DNAJC15: variants seen among roughly 807,000 people sequenced by gnomAD.
DNAJC15 encodes the protein DnaJ heat shock protein family (Hsp40) member C15, also known as dnaJ homolog subfamily C member 15.
In DNAJC15, 27 loss-of-function variants were observed where a neutral mutation model predicts 22.4. The ratio of observed to expected loss-of-function variants is 1.20; its 90% CI spans 0.89 to 1.66. The LOEUF is 1.66. Among genes scored for constraint, DNAJC15 ranks in the 40% most tolerant of loss-of-function variants. The pLI, the probability that DNAJC15 is intolerant of heterozygous loss-of-function variation, is 0.00. For synonymous variants in DNAJC15, 79 were observed against 63.2 expected (o/e 1.25, Z -1.19); for missense variants, 208 against 187.1 (o/e 1.11, Z -0.65).
At chr13:43,062,920 T>C (rs2040565732) in intron 1 of DNAJC15, among the ~76,000 whole-genome samples, 1 of 152,078 alleles carries the variant, frequency 6.6e-6, no homozygotes, top group Non-Finnish European at 1.5e-5. Context: ...GGTTTCACCA[T>C]GTTGGCCAGG....
At chr13:43,084,895 TA>T (rs776387043) in intron 4 of DNAJC15, among the ~76,000 whole-genome samples, 3 of 152,228 alleles carry the variant, frequency 2.0e-5, no homozygotes, top group Non-Finnish European at 4.4e-5. Context: ...AGGTAAAAGA[TA>T]ACTATAATGA....
chr13:43,055,662 C>T (rs1051165577), intron 1 of DNAJC15, among the ~76,000 whole-genome samples: 8 of 152,166 alleles, frequency 5.3e-5, no homozygotes, highest in African/African-American at 1.9e-4. Flanking sequence ...TTTTACTTAT[C>T]TTTTCAAAGA....
chr13:43,064,367 A>G (rs1392314024), intron 1 of DNAJC15, among the ~76,000 whole-genome samples: 2 of 152,200 alleles, frequency 1.3e-5, no homozygotes, highest in Non-Finnish European at 2.9e-5. Flanking sequence ...TTGAATGCCA[A>G]TGGCTGAATG....
At chr13:43,036,276 C>T (rs939224773) in intron 1 of DNAJC15, among the ~76,000 whole-genome samples, 6 of 151,660 alleles carry the variant, frequency 4.0e-5, no homozygotes, top group African/African-American at 7.3e-5. Flanking sequence ...AGCAGTCCTC[C>T]GACCTCAGCT....
chr13:43,067,281 C>G (rs975030775), intron 2 of DNAJC15, among the ~76,000 whole-genome samples: 1 of 152,136 alleles, frequency 6.6e-6, no homozygotes, highest in African/African-American at 2.4e-5. Flanking sequence ...CTTCAACAAT[C>G]AGAACTTTAA....
chr13:43,039,481 G>A (rs2040443329), intron 1 of DNAJC15, among the ~76,000 whole-genome samples: 1 of 152,306 alleles, frequency 6.6e-6, no homozygotes, highest in East Asian at 1.9e-4. Context: ...TTTACTGAGG[G>A]GAGAAGTGTG....
At chr13:43,066,840 C>G (rs143557229) in intron 2 of DNAJC15, among the ~76,000 whole-genome samples, 1 of 152,048 alleles carries the variant, frequency 6.6e-6, no homozygotes, top group Non-Finnish European at 1.5e-5. Flanking sequence ...AGGATGGTTT[C>G]GATCGCCTGA....
intron 1 of DNAJC15, among the ~76,000 whole-genome samples, chr13:43,049,794 C>G (rs548679640): frequency 1.3e-5 from 2 of 152,276 alleles, no homozygotes; most frequent in South Asian, 4.1e-4. Context: ...CTCACAAAAT[C>G]TGTGTCTGAA....
intron 1 of DNAJC15, among the ~76,000 whole-genome samples, chr13:43,045,342 A>T (rs905252229): frequency 3.3e-5 from 5 of 152,186 alleles, no homozygotes; most frequent in African/African-American, 1.2e-4. Context: ...AAAACCTCTC[A>T]GACATCGAGT....
At chr13:43,085,015 G>C (rs1465686671) in intron 4 of DNAJC15, among the ~76,000 whole-genome samples, 2 of 152,156 alleles carry the variant, frequency 1.3e-5, no homozygotes, top group Non-Finnish European at 2.9e-5. Context: ...GAAGCACCAA[G>C]AGGATAAAAA....
intron 1 of DNAJC15, among the ~76,000 whole-genome samples, chr13:43,059,789 G>A (rs148410354): frequency 0.011 from 1,732 of 152,310 alleles, 40 homozygotes; most frequent in South Asian, 0.11. Context: ...AAAGGGTGGT[G>A]GATTATCATT....
chr13:43,059,505 C>T (rs779796412), intron 1 of DNAJC15, among the ~76,000 whole-genome samples: 7 of 152,170 alleles, frequency 4.6e-5, no homozygotes, highest in Non-Finnish European at 7.3e-5. Context: ...GCTGGGATTA[C>T]GGGCGTGCGC....
intron 1 of DNAJC15, among the ~76,000 whole-genome samples, chr13:43,059,657 T>G (rs1418822147): frequency 6.6e-6 from 1 of 152,234 alleles, no homozygotes; most frequent in Non-Finnish European, 1.5e-5. Context: ...TGTATACAGA[T>G]TTTTGTGATG....
intron 1 of DNAJC15, among the ~76,000 whole-genome samples, chr13:43,029,451 T>C (rs569085589): frequency 1.3e-5 from 2 of 152,274 alleles, no homozygotes; most frequent in African/African-American, 4.8e-5. Context: ...AGGCAACTTA[T>C]ATTTATCTAA....
intron 1 of DNAJC15, among the ~76,000 whole-genome samples, chr13:43,034,356 C>T (rs2040418169): frequency 7.7e-6 from 1 of 130,360 alleles, no homozygotes; most frequent in African/African-American, 3.0e-5. Flanking sequence ...CGCTGTGTCG[C>T]CCAGACTGGA....
intron 2 of DNAJC15, 119 bp downstream of exon 2, chr13:43,065,856 C>G (rs933969856): frequency 2.6e-6 from 2 of 771,548 alleles, no homozygotes; most frequent in Non-Finnish European, 4.2e-6. Flanking sequence ...ATAATACATT[C>G]TCATTCTTTC....
intron 1 of DNAJC15, among the ~76,000 whole-genome samples, chr13:43,062,092 G>T (rs1231842578): frequency 6.6e-6 from 1 of 151,958 alleles, no homozygotes; most frequent in Non-Finnish European, 1.5e-5. Flanking sequence ...TTTATTGAAG[G>T]GACTGTTTTC....
intron 1 of DNAJC15, among the ~76,000 whole-genome samples, chr13:43,056,651 C>T (rs1314328208): frequency 6.6e-6 from 1 of 151,714 alleles, no homozygotes; most frequent in East Asian, 1.9e-4. Flanking sequence ...ATTGTGTTGC[C>T]ATCTATCTCA....
At chr13:43,030,600 CACTT>C (rs889118548) in intron 1 of DNAJC15, among the ~76,000 whole-genome samples, 1 of 152,152 alleles carries the variant, frequency 6.6e-6, no homozygotes, top group African/African-American at 2.4e-5. Context: ...ATCCATTTAA[CACTT>C]TATTTATGGA....
Sources: gnomAD v4.1 joint callset for allele counts (sites outside exome capture counted in the v4.1 genomes callset) on GRCh38, gnomAD v4.1.1 for gene constraint, MANE v1.5 for transcripts, NCBI Gene and HGNC (gene_info 2026-07-23, HGNC 2026-07-21) for gene names.